The following DNAH11 variants were observed in gnomAD, a reference collection of about 807,000 sequenced individuals.
DNAH11 encodes the protein axonemal beta dynein heavy chain 11.
DNAH11 carries 442 observed loss-of-function variants against 526.0 expected under a neutral mutation model. The ratio of observed to expected loss-of-function variants is 0.84; its 90% CI spans 0.78 to 0.91. The LOEUF is 0.91. Among genes scored for constraint, DNAH11 ranks in the 40% least tolerant of loss-of-function variants. DNAH11 has a pLI of 0.00. For synonymous variants in DNAH11, 2,461 were observed against 1,935.9 expected (o/e 1.27, Z -7.12); for missense variants, 6,989 against 5,448.7 (o/e 1.28, Z -8.90).
intron 9 of DNAH11, among the ~76,000 whole-genome samples, chr7:21,582,847 G>C (rs766456825): frequency 6.6e-6 from 1 of 152,168 alleles, no homozygotes; most frequent in Non-Finnish European, 1.5e-5. Context: ...CAATATAGCA[G>C]ACACAGATTT....
chr7:21,546,919 A>G (rs1186146715), intron 2 of DNAH11, among the ~76,000 whole-genome samples: 1 of 152,234 alleles, frequency 6.6e-6, no homozygotes, highest in Non-Finnish European at 1.5e-5. Flanking sequence ...GAGAAACCCC[A>G]CAGTTTGAAA....
At chr7:21,602,869 C>CT (rs1475985841) in intron 18 of DNAH11, among the ~76,000 whole-genome samples, 5 of 151,790 alleles carry the variant, frequency 3.3e-5, no homozygotes, top group Non-Finnish European at 5.9e-5. Context: ...CTGTTTTTTT[C>CT]TTTTTTTTAT....
At position 21,884,400 on chromosome 7, in the gene DNAH11, A is replaced by T. The variant is rs1470177433; in HGVS notation, c.12497A>T (p.Asn4166Ile). 5 of 1,606,108 alleles carry T rather than the reference A, an allele frequency of 3.1e-6. No individual in the cohort carries two copies. The highest frequency in any genetic ancestry group is 4.2e-6 in the Non-Finnish European group (5 of 1,176,554). ...LCRVYLEEFM[N>I]PSLTEDELML... is the part of the protein sequence containing the mutation. ...CGGGTGTATTTAGAAGAATTCATGA[A>T]TCCATCTCTGGTAAGACATTTGTAA... Residue 4166 changes from asparagine to isoleucine, a missense_variant, in exon 76 of 82, where the codon AAT (asparagine) becomes ATT (isoleucine). By Grantham distance (149) the Asn-to-Ile change is moderately radical (BLOSUM62 -3). Transcript: ENST00000409508.
At chr7:21,846,817 GA>G (rs1377004901) in intron 66 of DNAH11, among the ~76,000 whole-genome samples, 2 of 152,064 alleles carry the variant, frequency 1.3e-5, no homozygotes, top group African/African-American at 4.8e-5. Context: ...TTCTTCCAGT[GA>G]AATCATCTGG....
At chr7:21,695,921 A>G (rs1783830670) in intron 35 of DNAH11, among the ~76,000 whole-genome samples, 1 of 152,224 alleles carries the variant, frequency 6.6e-6, no homozygotes, top group African/African-American at 2.4e-5. Context: ...AAGTGGGCAA[A>G]GGATATGAAC....
rs533802786 is a variant in DNAH11, at chr7:21,797,489, G to A, written c.10027-3648G>A. On this transcript the variant is annotated intron_variant, in intron 61 of 81. Coordinates refer to ENST00000409508, the MANE Select transcript of DNAH11 (RefSeq NM_001277115.2). The stretch of plus-strand genomic sequence containing the variant: ...TCGCCTCGGCCTCCCAAAATGCTGG[G>A]ATTAGAGGCTTGAGCCACCACACCC... Among the ~76,000 whole-genome samples the A allele has an allele frequency of 7.2e-5, 11 of 151,990 alleles. No homozygotes were observed. The East Asian group carries it at 1.7e-3, about 24-fold the overall frequency.
chr7:21,771,712 G>A (rs976377266), intron 55 of DNAH11, among the ~76,000 whole-genome samples: 1 of 151,938 alleles, frequency 6.6e-6, no homozygotes. Context: ...GTTATCAACT[G>A]GTTTTTATTA....
chr7:21,831,360 A>C (rs567129192), intron 65 of DNAH11, among the ~76,000 whole-genome samples: 1 of 152,302 alleles, frequency 6.6e-6, no homozygotes. Flanking sequence ...AGAGAACATT[A>C]GCAGTCTGTT....
chr7:21,801,926 T>G (rs557525875), intron 62 of DNAH11, among the ~76,000 whole-genome samples: 3 of 152,332 alleles, frequency 2.0e-5, no homozygotes, highest in East Asian at 3.9e-4. Flanking sequence ...TGCTTGAACA[T>G]GAGTGGTAGA....
At chr7:21,789,473 A>C (rs1179632106) in intron 61 of DNAH11, 131 bp downstream of exon 61, 12 of 597,790 alleles carry the variant, frequency 2.0e-5, no homozygotes, top group Middle Eastern at 2.8e-4. Flanking sequence ...CCATGAGTGT[A>C]TTTCCTTATA....
At chr7:21,774,105 G>A in intron 56 of DNAH11, 106 bp downstream of exon 56, 2 of 1,078,092 alleles carry the variant, frequency 1.9e-6, no homozygotes, top group Middle Eastern at 2.1e-4. Context: ...ATGCCAGCTG[G>A]TGAAATTTAC....
chr7:21,775,325 C>T (rs1048680923), intron 56 of DNAH11, among the ~76,000 whole-genome samples: 3 of 152,098 alleles, frequency 2.0e-5, no homozygotes, highest in Non-Finnish European at 2.9e-5. Context: ...TCTCAAAGAA[C>T]GTCTGTCTAG....
chr7:21,891,128 C>T (rs112505099), intron 76 of DNAH11, among the ~76,000 whole-genome samples: 3 of 152,232 alleles, frequency 2.0e-5, no homozygotes, highest in African/African-American at 4.8e-5. Context: ...TCCTTAATAA[C>T]GAGGTCATAT....
chr7:21,771,799 G>A (rs1002914149), intron 55 of DNAH11, among the ~76,000 whole-genome samples: 9 of 151,784 alleles, frequency 5.9e-5, no homozygotes, highest in Admixed American at 1.3e-4. Context: ...CGTAGCCCTC[G>A]CTGCGGCAGC....
Position 21,578,751 on chromosome 7 carries a change from G to T in DNAH11, c.1594-3154G>T, listed in dbSNP as rs112562501. ...TGAAATCTAGGTGGAGGTTCTCAAG[G>T]CTCAACTCTTGGCTTCTGTGTACCC... On this transcript the variant is annotated intron_variant, in intron 8 of 81. Coordinates refer to ENST00000409508, the MANE Select transcript of DNAH11 (RefSeq NM_001277115.2). Among the ~76,000 whole-genome samples the T allele has an allele frequency of 4.6e-3, 698 of 151,470 alleles. 12 individuals carry two copies. The highest frequency in any genetic ancestry group is 0.016 in the African/African-American group (663 of 41,494).
In DNAH11 at chr7:21,873,582, A is replaced by C. The variant is rs1783580961; in HGVS notation, c.12195+81A>C. On this transcript the variant is annotated intron_variant, in intron 74 of 81. Coordinates refer to ENST00000409508, the MANE Select transcript of DNAH11 (RefSeq NM_001277115.2). ...TGTGGGGCCCAGAATCAACCCAGGC[A>C]TGTCATTGAGAGGGATGAAGCAAGT... The C allele has an allele frequency of 2.2e-6, 3 of 1,391,278 alleles. No homozygotes were observed. The South Asian group carries it at 3.6e-5, about 17-fold the overall frequency. 86.2% of individuals were successfully genotyped at this position (1,391,278 alleles called of 1,614,324 possible).
chr7:21,546,805 A>G (rs1190222840), intron 2 of DNAH11, among the ~76,000 whole-genome samples: 2 of 152,200 alleles, frequency 1.3e-5, no homozygotes, highest in Non-Finnish European at 2.9e-5. Context: ...TCTGGGCCCC[A>G]TCCTTGGAAA....
intron 25 of DNAH11, among the ~76,000 whole-genome samples, chr7:21,626,995 G>A (rs1376752480): frequency 1.3e-5 from 2 of 151,920 alleles, no homozygotes; most frequent in Admixed American, 1.3e-4. Flanking sequence ...CGTGATCTGT[G>A]TGCCTCTGCC....
At chr7:21,827,236 C>T (rs1200368386) in intron 65 of DNAH11, among the ~76,000 whole-genome samples, 1 of 152,160 alleles carries the variant, frequency 6.6e-6, no homozygotes, top group African/African-American at 2.4e-5. Flanking sequence ...AAGCTCCAGA[C>T]AATCCTAATT....
Sources: gnomAD v4.1 joint callset for allele counts (sites outside exome capture counted in the v4.1 genomes callset) on GRCh38, gnomAD v4.1.1 for gene constraint, MANE v1.5 for transcripts, NCBI Gene and HGNC (gene_info 2026-07-23, HGNC 2026-07-21) for gene names.